Variants in ZNF267 observed in about 807,000 individuals in gnomAD.
ZNF267 encodes the protein zinc finger (C2H2).
Under a neutral mutation model 71.6 loss-of-function variants are expected in ZNF267, and 61 were observed. That is an observed-to-expected ratio of 0.85 (90% CI 0.69 to 1.05). ZNF267 has a LOEUF of 1.05. Ranked by LOEUF, ZNF267 falls within the 50% of genes least tolerant of loss-of-function variation. ZNF267 has a pLI of 0.00. For synonymous variants in ZNF267, 288 were observed against 293.2 expected (o/e 0.98, Z 0.18); for missense variants, 852 against 870.0 (o/e 0.98, Z 0.26).
intron 1 of ZNF267, among the ~76,000 whole-genome samples, chr16:31,882,132 T>G (rs2083894830): frequency 6.6e-6 from 1 of 152,204 alleles, no homozygotes; most frequent in African/African-American, 2.4e-5. Context: ...TCCCAGGGGT[T>G]TATATGGCTT....
chr16:31,890,583 T>C (rs1000612738), intron 3 of ZNF267, among the ~76,000 whole-genome samples: 1 of 152,246 alleles, frequency 6.6e-6, no homozygotes. Context: ...TTTTGTTTTC[T>C]ATAATAGAAT....
intron 3 of ZNF267, among the ~76,000 whole-genome samples, chr16:31,898,068 A>G (rs1239920690): frequency 6.6e-6 from 1 of 152,124 alleles, no homozygotes; most frequent in Non-Finnish European, 1.5e-5. Context: ...AAAGTGGAGT[A>G]TGGAAGTCTT....
At chr16:31,905,928 G>A (rs553714040) in intron 3 of ZNF267, among the ~76,000 whole-genome samples, 1 of 152,074 alleles carries the variant, frequency 6.6e-6, no homozygotes, top group Non-Finnish European at 1.5e-5. Flanking sequence ...TGTACCTTTG[G>A]TCTTTGATGA....
intron 3 of ZNF267, among the ~76,000 whole-genome samples, chr16:31,886,695 G>A (rs561893790): frequency 6.6e-5 from 10 of 152,254 alleles, no homozygotes; most frequent in African/African-American, 2.2e-4. Flanking sequence ...AATTTATCTT[G>A]TAAATGAAAG....
chr16:31,910,787 C>G (rs7193710), intron 3 of ZNF267, among the ~76,000 whole-genome samples: 148,877 of 151,368 alleles, frequency 0.98, 73,363 homozygotes, highest in Middle Eastern at 1. Flanking sequence ...TCTTTAAGAT[C>G]CAACATTAGG....
At chr16:31,890,261 G>A (rs1317660690) in intron 3 of ZNF267, 1 of 152,092 alleles carries the variant, frequency 6.6e-6, no homozygotes, top group Non-Finnish European at 1.5e-5. Context: ...GTATGTTAAT[G>A]TTTGCTTTAT....
chr16:31,882,298 T>C (rs2083895902), intron 1 of ZNF267, among the ~76,000 whole-genome samples: 1 of 152,224 alleles, frequency 6.6e-6, no homozygotes, highest in Admixed American at 6.5e-5. Context: ...AGACTTTAAA[T>C]GGCTGGCAAA....
At position 31,914,950 on chromosome 16, in the gene ZNF267, A is replaced by G. The variant is rs1324623381; in HGVS notation, c.701A>G (p.His234Arg). 1.2e-6 allele frequency: 2 copies of G among 1,609,212 alleles called. No homozygotes were observed. The highest frequency in any genetic ancestry group is 8.5e-7 in the Non-Finnish European group (1 of 1,178,684). Residue 234 changes from histidine (H) to arginine (R), a missense_variant, in exon 4 of 4, where the codon CAT becomes CGT. Physicochemically the swap from His to Arg is conservative, Grantham distance 29 (BLOSUM62 0). Transcript: ENST00000300870. ...AACCAAAGCTCAAGCCCTAAAAATC[A>G]TCAGGAAAATTATTTTCTAGAAAAA... ...TLNQSSSPKN[H>R]QENYFLEKQY... is the part of the protein sequence containing the mutation.
chr16:31,897,626 G>T (rs144508492), intron 3 of ZNF267, among the ~76,000 whole-genome samples: 1 of 152,096 alleles, frequency 6.6e-6, no homozygotes, highest in African/African-American at 2.4e-5. Context: ...TAATACTTCT[G>T]CAAAGAGATC....
At chr16:31,914,317 T>C in intron 3 of ZNF267, 159 bp from the exon 4 acceptor site, 1 of 624,510 alleles carries the variant, frequency 1.6e-6, no homozygotes, top group Non-Finnish European at 2.6e-6. Flanking sequence ...GCCACTTTAT[T>C]GTAGTAAAGT....
chr16:31,882,140 C>T (rs2083894960), intron 1 of ZNF267, among the ~76,000 whole-genome samples: 1 of 152,160 alleles, frequency 6.6e-6, no homozygotes, highest in Admixed American at 6.5e-5. Flanking sequence ...GTTTATATGG[C>T]TTAACTCACA....
chr16:31,886,305 T>A (rs558688163), intron 3 of ZNF267, among the ~76,000 whole-genome samples: 1 of 152,300 alleles, frequency 6.6e-6, no homozygotes, highest in Admixed American at 6.5e-5. Flanking sequence ...TATACTGTAG[T>A]GCAGGGGTCT....
intron 3 of ZNF267, among the ~76,000 whole-genome samples, chr16:31,890,728 G>A (rs2083954506): frequency 6.6e-6 from 1 of 152,208 alleles, no homozygotes; most frequent in African/African-American, 2.4e-5. Flanking sequence ...AAAGGCCTGA[G>A]GGAGAAGAGA....
At chr16:31,911,378 A>G (rs1354387297) in intron 3 of ZNF267, among the ~76,000 whole-genome samples, 3 of 151,470 alleles carry the variant, frequency 2.0e-5, no homozygotes, top group Non-Finnish European at 2.9e-5. Flanking sequence ...TAAAATTGTT[A>G]TATTCTCTGA....
At chr16:31,885,070 A>C in intron 2 of ZNF267, 91 bp from the exon 3 acceptor site, 1 of 1,002,082 alleles carries the variant, frequency 1.0e-6, no homozygotes, top group Non-Finnish European at 1.4e-6. Context: ...GTTAGAAATT[A>C]ATCCTGTCCT....
At chr16:31,876,617 C>A (rs2083854131) in intron 1 of ZNF267, among the ~76,000 whole-genome samples, 1 of 152,094 alleles carries the variant, frequency 6.6e-6, no homozygotes, top group Non-Finnish European at 1.5e-5. Context: ...AAGTAAGTGG[C>A]CTATTTATTG....
At chr16:31,907,538 T>C (rs1370809092) in intron 3 of ZNF267, among the ~76,000 whole-genome samples, 1 of 152,232 alleles carries the variant, frequency 6.6e-6, no homozygotes, top group Non-Finnish European at 1.5e-5. Flanking sequence ...GTTTAATCTC[T>C]GTTCATTTTC....
intron 3 of ZNF267, among the ~76,000 whole-genome samples, chr16:31,890,025 G>T (rs1321467208): frequency 8.6e-5 from 13 of 151,994 alleles, no homozygotes; most frequent in African/African-American, 3.1e-4. Context: ...AAAAAGACTT[G>T]TTTTCTATTT....
At chr16:31,912,759 T>A (rs1306895800) in intron 3 of ZNF267, 1 of 151,840 alleles carries the variant, frequency 6.6e-6, no homozygotes, top group Non-Finnish European at 1.5e-5. Context: ...TCAAGCTCAA[T>A]AATTTTTTCT....
Sources: allele counts gnomAD v4.1 joint callset (sites outside exome capture counted in the v4.1 genomes callset), GRCh38; gene constraint gnomAD v4.1.1; transcripts MANE v1.5; gene names NCBI Gene and HGNC (gene_info 2026-07-23, HGNC 2026-07-21).